Variants in ARL8B observed in about 807,000 individuals in gnomAD.
ARL8B encodes ARF like GTPase 8B, also known as ADP-ribosylation factor-like protein 8B.
Under a neutral mutation model 30.6 loss-of-function variants are expected in ARL8B, and 9 were observed. The observed-to-expected ratio is 0.29, with a 90% CI of 0.18 to 0.51. ARL8B has a LOEUF of 0.51. Among genes scored for constraint, ARL8B ranks in the 20% least tolerant of loss-of-function variants. The pLI is 0.97. For synonymous variants in ARL8B, 74 were observed against 76.0 expected (o/e 0.97, Z 0.14); for missense variants, 130 against 227.2 (o/e 0.57, Z 2.75).
intron 1 of ARL8B, among the ~76,000 whole-genome samples, chr3:5,153,606 A>G (rs971564955): frequency 6.6e-6 from 1 of 152,134 alleles, no homozygotes; most frequent in African/African-American, 2.4e-5. Context: ...AAACGACACC[A>G]ATGTCGAATT....
chr3:5,143,097 A>G (rs1474515063), intron 1 of ARL8B, among the ~76,000 whole-genome samples: 1 of 152,226 alleles, frequency 6.6e-6, no homozygotes, highest in Non-Finnish European at 1.5e-5. Context: ...TGTGAGAACT[A>G]TCTCTGAGTT....
chr3:5,171,489 G>C (rs2054675333), intron 2 of ARL8B, among the ~76,000 whole-genome samples: 1 of 151,996 alleles, frequency 6.6e-6, no homozygotes, highest in African/African-American at 2.4e-5. Flanking sequence ...GTATATTACA[G>C]GCACCTGCCA....
chr3:5,176,622 T>C (rs1344912767), intron 6 of ARL8B, among the ~76,000 whole-genome samples: 1 of 152,198 alleles, frequency 6.6e-6, no homozygotes, highest in Non-Finnish European at 1.5e-5. Flanking sequence ...GTCTCAGCCT[T>C]AGTAACAGCG....
intron 1 of ARL8B, among the ~76,000 whole-genome samples, chr3:5,142,406 CT>C (rs1230447084): frequency 6.6e-6 from 1 of 152,114 alleles, no homozygotes; most frequent in Non-Finnish European, 1.5e-5. Flanking sequence ...GTGACAGACT[CT>C]TTACAAGTCT....
At chr3:5,161,310 A>G (rs2054578497) in intron 1 of ARL8B, among the ~76,000 whole-genome samples, 1 of 152,138 alleles carries the variant, frequency 6.6e-6, no homozygotes, top group Non-Finnish European at 1.5e-5. Context: ...AAAAAAAGAC[A>G]AAACAAAAAC....
chr3:5,147,072 T>G (rs1391249781), intron 1 of ARL8B, among the ~76,000 whole-genome samples: 2 of 151,870 alleles, frequency 1.3e-5, no homozygotes, highest in Admixed American at 6.6e-5. Flanking sequence ...GTGCACAACA[T>G]GCAGGTTTGT....
In ARL8B at chr3:5,122,681, C is replaced by T; in HGVS notation, c.123+93C>T. 2 of 1,386,630 alleles carry T rather than the reference C, an allele frequency of 1.4e-6. 1 individual carries two copies. Among genetic ancestry groups the T allele is most frequent in the Non-Finnish European group, 1.9e-6 (2 of 1,029,564 alleles). The allele number at this position is 1,386,630 out of a possible 1,614,324, so 85.9% of individuals were successfully genotyped here. Reference sequence around the variant, plus strand: ...GCCTGAGTTGGGGCCCCCCTCGGCGCGATGGGACTGATGGCGGGGGGCGTG... The same window carrying T: ...GCCTGAGTTGGGGCCCCCCTCGGCGTGATGGGACTGATGGCGGGGGGCGTG... On this transcript the variant is annotated intron_variant, in intron 1 of 6. Transcript: ENST00000256496.
intron 1 of ARL8B, among the ~76,000 whole-genome samples, chr3:5,137,718 G>A (rs1222789729): frequency 1.3e-5 from 2 of 151,946 alleles, no homozygotes; most frequent in African/African-American, 2.4e-5. Context: ...GATTACAGGC[G>A]TGAGCCACCA....
chr3:5,137,123 A>C (rs1482411104), intron 1 of ARL8B, among the ~76,000 whole-genome samples: 1 of 152,174 alleles, frequency 6.6e-6, no homozygotes, highest in East Asian at 1.9e-4. Flanking sequence ...ATATGCCAGA[A>C]TTCTGTGACC....
intron 1 of ARL8B, among the ~76,000 whole-genome samples, chr3:5,134,305 G>A (rs1207653176): frequency 6.6e-6 from 1 of 152,186 alleles, no homozygotes; most frequent in African/African-American, 2.4e-5. Context: ...TGATTTATTT[G>A]TGTATTTATG....
intron 4 of ARL8B, among the ~76,000 whole-genome samples, chr3:5,173,007 TC>T (rs2054690373): frequency 6.6e-6 from 1 of 152,210 alleles, no homozygotes; most frequent in Admixed American, 6.5e-5. Context: ...AGAAACATAC[TC>T]CTTGCCATCA....
At chr3:5,129,789 A>G (rs1002347172) in intron 1 of ARL8B, among the ~76,000 whole-genome samples, 1 of 152,170 alleles carries the variant, frequency 6.6e-6, no homozygotes, top group Non-Finnish European at 1.5e-5. Flanking sequence ...AGGCAGAGAC[A>G]GGAGGATTAC....
Position 5,122,480 on chromosome 3 carries a change from C to T in ARL8B, c.15C>T (p.Ile5=). MLAL[I]SRLLDWFRSL... is the part of the protein sequence containing the mutation. The stretch of plus-strand genomic sequence containing the variant: ...CGGCCGCCATCATGCTGGCGCTCAT[C>T]TCCCGCCTGCTGGACTGGTTCCGTT... The change falls in exon 1 of 7, where the codon ATC becomes ATT. Residue 5 remains isoleucine, a synonymous_variant. Coordinates refer to ENST00000256496, the MANE Select transcript of ARL8B (RefSeq NM_018184.3). 1.9e-6 allele frequency: 3 copies of T among 1,613,520 alleles called. No homozygotes were observed. Among genetic ancestry groups the T allele is most frequent in the South Asian group, 1.1e-5 (1 of 91,044 alleles).
At chr3:5,144,080 AATT>A in intron 1 of ARL8B, among the ~76,000 whole-genome samples, 1 of 152,292 alleles carries the variant, frequency 6.6e-6, no homozygotes, top group African/African-American at 2.4e-5. Flanking sequence ...AATCCCATCT[AATT>A]TGTAAACCTT....
chr3:5,138,524 G>A (rs1297469550), intron 1 of ARL8B, among the ~76,000 whole-genome samples: 1 of 152,110 alleles, frequency 6.6e-6, no homozygotes, highest in Non-Finnish European at 1.5e-5. Flanking sequence ...GTAATGCTGA[G>A]CTATTATCAT....
chr3:5,156,168 G>T (rs1385243638), intron 1 of ARL8B, among the ~76,000 whole-genome samples: 1 of 152,038 alleles, frequency 6.6e-6, no homozygotes, highest in Non-Finnish European at 1.5e-5. Context: ...CTCCCAAAGT[G>T]CTGGGATTAT....
chr3:5,131,457 C>T (rs1336060804), intron 1 of ARL8B, among the ~76,000 whole-genome samples: 1 of 151,430 alleles, frequency 6.6e-6, no homozygotes, highest in East Asian at 2.0e-4. Context: ...GTGGCGCGAT[C>T]TCGGCTCACT....
At chr3:5,172,294 A>G in intron 3 of ARL8B, 71 bp downstream of exon 3, 1 of 1,353,020 alleles carries the variant, frequency 7.4e-7, no homozygotes, top group Non-Finnish European at 1.0e-6. Context: ...TTATTTTAGT[A>G]TTTCCAGAGG....
intron 1 of ARL8B, among the ~76,000 whole-genome samples, chr3:5,149,049 T>G (rs2054455257): frequency 6.6e-6 from 1 of 152,276 alleles, no homozygotes; most frequent in Admixed American, 6.5e-5. Context: ...TCTGGCTGTT[T>G]GCGTCGCAGG....
Sources: gnomAD v4.1 joint callset for allele counts (sites outside exome capture counted in the v4.1 genomes callset) on GRCh38, gnomAD v4.1.1 for gene constraint, MANE v1.5 for transcripts, NCBI Gene and HGNC (gene_info 2026-07-23, HGNC 2026-07-21) for gene names.